Variants in CUEDC1 observed in about 807,000 individuals in gnomAD.
The protein encoded by CUEDC1 is CUE domain containing 1.
A neutral mutation model predicts 43.7 loss-of-function variants in CUEDC1; 30 were observed. The ratio of observed to expected loss-of-function variants is 0.69; its 90% CI spans 0.51 to 0.93. The LOEUF (loss-of-function observed/expected upper bound fraction) is 0.93. Among genes scored for constraint, CUEDC1 ranks in the 40% least tolerant of loss-of-function variants. CUEDC1 has a pLI of 0.00. For missense variants in CUEDC1, 486 were observed against 549.0 expected (o/e 0.89, Z 1.15); for synonymous variants, 223 against 223.6 (o/e 1.00, Z 0.02).
intron 1 of CUEDC1, among the ~76,000 whole-genome samples, chr17:57,886,968 G>A (rs968977623): frequency 3.3e-5 from 5 of 151,792 alleles, no homozygotes; most frequent in African/African-American, 7.3e-5. Context: ...ACAGGCGCCC[G>A]CCACCACACC....
At chr17:57,890,019 C>T (rs1328649173) in intron 1 of CUEDC1, among the ~76,000 whole-genome samples, 2 of 152,320 alleles carry the variant, frequency 1.3e-5, no homozygotes, top group African/African-American at 2.4e-5. Flanking sequence ...GACAGGTTTA[C>T]GAGCCTGTGC....
At chr17:57,944,161 A>G (rs546454931) in intron 1 of CUEDC1, among the ~76,000 whole-genome samples, 203 of 151,542 alleles carry the variant, frequency 1.3e-3, no homozygotes, top group African/African-American at 4.8e-3. Context: ...ATATGCAGTA[A>G]GCATGCAATA....
In CUEDC1 at chr17:57,944,647, A is replaced by G. The variant is rs755141954; in HGVS notation, c.-316+10578T>C. On this transcript the variant is annotated intron_variant, in intron 1 of 10. Coordinates refer to ENST00000577830, the MANE Select transcript of CUEDC1 (RefSeq NM_001271875.2). ...ATTAGCCTCAAGAAAACTATAAATT[A>G]ACAAACTAAGTGACCTGCTCAGAAT... Among the ~76,000 whole-genome samples, 75 of 152,334 alleles carry G rather than the reference A, an allele frequency of 4.9e-4. 1 individual carries two copies. The highest frequency in any genetic ancestry group is 6.2e-4 in the Non-Finnish European group (42 of 68,030).
intron 1 of CUEDC1, among the ~76,000 whole-genome samples, chr17:57,903,937 CA>C (rs34746551): frequency 1.1e-3 from 148 of 138,932 alleles, no homozygotes; most frequent in Middle Eastern, 7.3e-3. Flanking sequence ...GACCGTGTTT[CA>C]AAAAAAAAAA....
chr17:57,873,328 G>A (rs1226280714), intron 4 of CUEDC1, among the ~76,000 whole-genome samples: 2 of 152,104 alleles, frequency 1.3e-5, no homozygotes, highest in South Asian at 2.1e-4. Flanking sequence ...CCCCATGCCC[G>A]CCTCTCTCCA....
At chr17:57,936,826 CTT>C (rs34167520) in intron 1 of CUEDC1, among the ~76,000 whole-genome samples, 3 of 143,878 alleles carry the variant, frequency 2.1e-5, no homozygotes, top group Middle Eastern at 3.2e-3. Context: ...TTCATTCACA[CTT>C]TTTTTTTTTT....
rs1249089319 is a variant in CUEDC1, at chr17:57,861,415, T to G, written c.*1874A>C. The stretch of plus-strand genomic sequence containing the variant: ...AGCCGGCAGGTCCGCAAGGTTGAGG[T>G]GCAGCGGTGCCGCAGGTGTCACCTC... On this transcript the variant is annotated 3_prime_UTR_variant, in exon 11 of 11. Coordinates refer to ENST00000577830, the MANE Select transcript of CUEDC1 (RefSeq NM_001271875.2). The G allele has an allele frequency of 6.6e-6, 1 of 152,186 alleles. No individual in the cohort carries two copies. The highest frequency in any genetic ancestry group is 2.4e-5 in the African/African-American group (1 of 41,390). The allele number at this position is 152,186 out of a possible 1,614,324, so 9.4% of individuals were successfully genotyped here. A position where few individuals can be genotyped will look rare whatever the true frequency, so the allele number is the denominator to read the frequency against.
At chr17:57,901,671 C>T (rs1395104627) in intron 1 of CUEDC1, among the ~76,000 whole-genome samples, 1 of 152,172 alleles carries the variant, frequency 6.6e-6, no homozygotes, top group Non-Finnish European at 1.5e-5. Context: ...ATGGTGTGCT[C>T]CCCTTCTCCC....
In CUEDC1 at chr17:57,873,643, T is replaced by C. The variant is rs1256854803; in HGVS notation, c.539A>G (p.Asn180Ser). ...YRNWNPPLLG[N>S]LPDDFLRILP... Reference sequence around the variant, plus strand: ...GATGCGGAGAAAGTCATCCGGAAGGTTGCCCAGCAGTGGTGGGTTCCAGTT... The same window carrying C: ...GATGCGGAGAAAGTCATCCGGAAGGCTGCCCAGCAGTGGTGGGTTCCAGTT... The change falls in exon 4 of 11, where the codon AAC becomes AGC. Residue 180 changes from asparagine (N) to serine (S), a missense_variant. Asn to Ser is a conservative substitution (Grantham distance 46). Coordinates refer to ENST00000577830, the MANE Select transcript of CUEDC1 (RefSeq NM_001271875.2). 6.2e-7 allele frequency: 1 copy of C among 1,604,582 alleles called. No individual in the cohort carries two copies. Among genetic ancestry groups the C allele is most frequent in the Non-Finnish European group, 8.5e-7 (1 of 1,175,362 alleles).
chr17:57,910,210 A>G (rs1165642529), intron 1 of CUEDC1, among the ~76,000 whole-genome samples: 1 of 151,958 alleles, frequency 6.6e-6, no homozygotes, highest in Admixed American at 6.6e-5. Context: ...AGGCCATTCA[A>G]TGGCAGCCTT....
intron 1 of CUEDC1, among the ~76,000 whole-genome samples, chr17:57,916,369 C>G (rs965787465): frequency 5.3e-5 from 8 of 152,266 alleles, no homozygotes; most frequent in African/African-American, 1.7e-4. Flanking sequence ...GGCTTCCTGT[C>G]AGGCCCTGCA....
intron 7 of CUEDC1, 108 bp downstream of exon 7, chr17:57,869,002 TCACTGGTTCACC>T: frequency 1.0e-6 from 1 of 969,486 alleles, no homozygotes; most frequent in Non-Finnish European, 1.6e-6. Context: ...GATGAAAATG[TCACTGGTTCACC>T]AAGAGTCAGC....
At chr17:57,867,681 C>T (rs1200080317) in intron 8 of CUEDC1, 1 of 564,472 alleles carries the variant, frequency 1.8e-6, no homozygotes. Flanking sequence ...TGAGCCTCTG[C>T]TATCCTAGGC....
At chr17:57,907,614 G>C (rs2074542222) in intron 1 of CUEDC1, among the ~76,000 whole-genome samples, 1 of 152,198 alleles carries the variant, frequency 6.6e-6, no homozygotes, top group African/African-American at 2.4e-5. Context: ...GGGAGGCCAA[G>C]GCAGGCGGAT....
chr17:57,902,621 CTAG>C (rs1211893933), intron 1 of CUEDC1, among the ~76,000 whole-genome samples: 2 of 152,246 alleles, frequency 1.3e-5, no homozygotes, highest in African/African-American at 2.4e-5. Flanking sequence ...TCTGCTGATA[CTAG>C]TCATTTGAGA....
At chr17:57,943,851 G>A (rs773707042) in intron 1 of CUEDC1, among the ~76,000 whole-genome samples, 2 of 152,078 alleles carry the variant, frequency 1.3e-5, no homozygotes, top group African/African-American at 2.4e-5. Context: ...ACTGTGATCT[G>A]TACACTTAAT....
chr17:57,950,626 C>T (rs1053405810), intron 1 of CUEDC1, among the ~76,000 whole-genome samples: 11 of 152,188 alleles, frequency 7.2e-5, no homozygotes, highest in Non-Finnish European at 1.3e-4. Flanking sequence ...GCGCCCACCA[C>T]CATGCCCGGC....
At chr17:57,944,196 T>TATATA (rs1465660905) in intron 1 of CUEDC1, among the ~76,000 whole-genome samples, 12 of 143,212 alleles carry the variant, frequency 8.4e-5, no homozygotes, top group Middle Eastern at 3.6e-3. Context: ...TTATTTATTT[T>TATATA]TTTATATATA....
chr17:57,868,478 C>T (rs2073991454), intron 7 of CUEDC1: 1 of 554,050 alleles, frequency 1.8e-6, no homozygotes, highest in Non-Finnish European at 3.2e-6. Flanking sequence ...CACAGGACAC[C>T]CTGAGCCAGG....
Sources: allele counts gnomAD v4.1 joint callset (sites outside exome capture counted in the v4.1 genomes callset), GRCh38; gene constraint gnomAD v4.1.1; transcripts MANE v1.5; gene names NCBI Gene and HGNC (gene_info 2026-07-23, HGNC 2026-07-21).